Variants in PCNX2 observed in about 807,000 individuals in gnomAD.
The protein encoded by PCNX2 is pecanex 2, also known as pecanex-like protein 2.
Under a neutral mutation model 223.8 loss-of-function variants are expected in PCNX2, and 168 were observed. The ratio of observed to expected loss-of-function variants is 0.75; its 90% confidence interval spans 0.66 to 0.85. PCNX2 has a LOEUF of 0.85. Ranked by LOEUF, PCNX2 falls within the 40% of genes least tolerant of loss-of-function variation. The pLI, the probability that PCNX2 is intolerant of heterozygous loss-of-function variation, is 0.00. For synonymous variants in PCNX2, 1,006 were observed against 1,052.6 expected, an observed-to-expected ratio of 0.96 and a Z score of 0.86; for missense variants, 2,507 against 2,675.5, an observed-to-expected ratio of 0.94 and a Z score of 1.39.
intron 1 of PCNX2, chr1:233,285,050 T>C: frequency 4.1e-6 from 4 of 980,586 alleles, no homozygotes; most frequent in Non-Finnish European, 4.8e-6. Flanking sequence ...ATGTTGGACA[T>C]GTAGTATAAA....
At chr1:233,081,994 TTGTG>T (rs57675075) in intron 23 of PCNX2, among the ~76,000 whole-genome samples, 275 of 148,302 alleles carry the variant, frequency 1.9e-3, no homozygotes, top group Middle Eastern at 3.4e-3. Flanking sequence ...CTGTGTGTGT[TTGTG>T]TGTGTGTGTG....
chr1:233,151,954 C>T (rs1677837359), intron 19 of PCNX2, among the ~76,000 whole-genome samples: 1 of 152,242 alleles, frequency 6.6e-6, no homozygotes, highest in Admixed American at 6.5e-5. Flanking sequence ...CCTCTCTCTG[C>T]TGCAAGCAGA....
chr1:232,985,912 C>A, intron 33 of PCNX2, 180 bp downstream of exon 33: 1 of 698,210 alleles, frequency 1.4e-6, no homozygotes, highest in Non-Finnish European at 2.5e-6. Flanking sequence ...TGTCTGCTTT[C>A]AAGAGCAGCT....
chr1:233,019,605 A>G (rs1233693406), intron 26 of PCNX2, among the ~76,000 whole-genome samples: 1 of 152,100 alleles, frequency 6.6e-6, no homozygotes, highest in Non-Finnish European at 1.5e-5. Flanking sequence ...CATGCCTTTG[A>G]CATCTGTGAC....
chr1:233,123,589 A>C (rs5015739), intron 21 of PCNX2, among the ~76,000 whole-genome samples: 22,762 of 152,112 alleles, frequency 0.15, 1,864 homozygotes, highest in East Asian at 0.24. Context: ...TCTCAAAAAA[A>C]AAAAAAATCT....
intron 23 of PCNX2, among the ~76,000 whole-genome samples, chr1:233,070,852 C>A (rs1454749671): frequency 6.6e-6 from 1 of 151,830 alleles, no homozygotes; most frequent in African/African-American, 2.4e-5. Context: ...CTGGCTAACA[C>A]GGTGAAACCC....
intron 25 of PCNX2, among the ~76,000 whole-genome samples, chr1:233,051,465 C>T (rs1672003337): frequency 6.6e-6 from 1 of 152,124 alleles, no homozygotes. Flanking sequence ...CAACAGTAGA[C>T]TGGATAAAGA....
intron 23 of PCNX2, among the ~76,000 whole-genome samples, chr1:233,085,331 CAA>C (rs11324686): frequency 0.11 from 14,636 of 131,986 alleles, 834 homozygotes; most frequent in East Asian, 0.17. Context: ...GACTCCGTCT[CAA>C]AAAAAAAAAA....
chr1:233,264,593 CTTA>C (rs1222513763), intron 1 of PCNX2, among the ~76,000 whole-genome samples: 2 of 152,146 alleles, frequency 1.3e-5, no homozygotes, highest in South Asian at 2.1e-4. Context: ...TTAACTCGCT[CTTA>C]TTATGTCATG....
intron 25 of PCNX2, among the ~76,000 whole-genome samples, chr1:233,038,697 A>G (rs543573368): frequency 6.6e-6 from 1 of 152,364 alleles, no homozygotes; most frequent in South Asian, 2.1e-4. Context: ...ATGTTGTCAC[A>G]GAGCAGAGAA....
chr1:233,218,309 C>A, intron 10 of PCNX2, 125 bp from the exon 11 acceptor site: 1 of 839,082 alleles, frequency 1.2e-6, no homozygotes, highest in Non-Finnish European at 1.7e-6. Flanking sequence ...AGTGCAGTGG[C>A]ATGATCTCAG....
chr1:233,295,467 C>G lies in PCNX2; in HGVS notation c.12G>C (p.Gln4His). MVSQVLQLLRQGVW... is the reference protein window; with the variant it reads MVSHVLQLLRQGVW... Reference sequence around the variant, plus strand: ...CGCCCTGCCGGAGCAGCTGCAGCACCTGGGACACCATGCCGGCTGCGCCCC... The same window carrying G: ...CGCCCTGCCGGAGCAGCTGCAGCACGTGGGACACCATGCCGGCTGCGCCCC... Residue 4 changes from glutamine (Q) to histidine (H), a missense_variant, in exon 1 of 34, where the codon CAG becomes CAC. Physicochemically the swap from Gln to His is conservative, Grantham distance 24 (BLOSUM62 0). Around this residue, in one of 3 missense-constraint regions of PCNX2, gnomAD observed 1,031 missense variants for 1,021.7 expected, o/e 1.01. Transcript: ENST00000258229. The surrounding 1 kb of genome is among the most constrained non-coding windows in gnomAD (Gnocchi z 4.1). 6.5e-7 allele frequency: 1 copy of G among 1,549,152 alleles called. No individual in the cohort carries two copies. The highest frequency in any genetic ancestry group is 8.7e-7 in the Non-Finnish European group (1 of 1,146,100).
chr1:233,289,352 C>T, intron 1 of PCNX2: 2 of 1,142,360 alleles, frequency 1.8e-6, no homozygotes, highest in Non-Finnish European at 2.7e-6. Context: ...GGTCCAAGTT[C>T]ATCTCCAGCT....
rs77184386 is a variant in PCNX2, at chr1:233,155,435, C to A, written c.3517+4848G>T. Among the ~76,000 whole-genome samples the A allele has an allele frequency of 8.0e-3, 1,217 of 152,272 alleles. 11 individuals carry two copies. Among genetic ancestry groups the A allele is most frequent in the African/African-American group, 0.028 (1,163 of 41,546 alleles). ...TACGTCACTGGTTCACAGGGCTTGG[C>A]ATCTTGTAGGAACTCAATAATTATT... On this transcript the variant is annotated intron_variant, in intron 19 of 33. Transcript: ENST00000258229.
intron 8 of PCNX2, among the ~76,000 whole-genome samples, chr1:233,243,910 C>A (rs540179402): frequency 1.3e-5 from 2 of 152,264 alleles, no homozygotes; most frequent in East Asian, 3.9e-4. Flanking sequence ...CGGCTCACCA[C>A]AACCTCCGCC....
chr1:233,070,374 T>C (rs1057309636), intron 23 of PCNX2, among the ~76,000 whole-genome samples: 1 of 152,020 alleles, frequency 6.6e-6, no homozygotes, highest in East Asian at 1.9e-4. Flanking sequence ...AAGCTAGTAT[T>C]TACCCTGATA....
rs762316984 is a variant in PCNX2, at chr1:233,122,439, T to C, written c.3837+12574A>G. Among the ~76,000 whole-genome samples the C allele has an allele frequency of 2.6e-5, 4 of 152,064 alleles. No homozygotes were observed. In the East Asian group the frequency reaches 5.8e-4, roughly 22 times the overall value. ...TGGAAAGGAGGACAAAAGGGTAACA[T>C]TGCAGTGGAAAAACCTTATGATACT... On this transcript the variant is annotated intron_variant, in intron 21 of 33. Transcript: ENST00000258229.
chr1:233,215,913 T>C (rs1470795927), intron 12 of PCNX2, among the ~76,000 whole-genome samples: 1 of 152,218 alleles, frequency 6.6e-6, no homozygotes, highest in Non-Finnish European at 1.5e-5. Flanking sequence ...AAACCAATTA[T>C]GGGGAACAGA....
chr1:233,176,986 T>G (rs1420776447), intron 17 of PCNX2, among the ~76,000 whole-genome samples: 1 of 152,102 alleles, frequency 6.6e-6, no homozygotes, highest in Non-Finnish European at 1.5e-5. Flanking sequence ...CACTCCAGCC[T>G]GGGAGACAGT....
Sources: allele counts gnomAD v4.1 joint callset (sites outside exome capture counted in the v4.1 genomes callset), GRCh38; gene constraint gnomAD v4.1.1; regional missense constraint gnomAD v4.1.1; non-coding constraint Gnocchi (gnomAD v3.1); transcripts MANE v1.5; gene names NCBI Gene and HGNC (gene_info 2026-07-23, HGNC 2026-07-21).